SLC5A10: variants seen among roughly 807,000 people sequenced by gnomAD.
SLC5A10 encodes sodium/mannose cotransporter SLC5A10.
In SLC5A10, 55 loss-of-function variants were observed where a neutral mutation model predicts 68.9. The ratio of observed to expected loss-of-function variants is 0.80; its 90% CI spans 0.64 to 1.00. The LOEUF is 1.00. Among genes scored for constraint, SLC5A10 ranks in the 50% least tolerant of loss-of-function variants. SLC5A10 has a pLI of 0.00. For missense variants in SLC5A10, 732 were observed against 819.3 expected (o/e 0.89, Z 1.30); for synonymous variants, 344 against 344.8 (o/e 1.00, Z 0.02).
At position 19,015,204 on chromosome 17, in the gene SLC5A10, G is replaced by T. The variant is rs751031256; in HGVS notation, c.1241+5G>T. 2.7e-6 allele frequency: 4 copies of T among 1,491,830 alleles called. No homozygotes were observed. The African/African-American group carries it at 5.4e-5, about 20-fold the overall frequency. 92.4% of individuals were successfully genotyped at this position (1,491,830 alleles called of 1,614,324 possible). ...GGAGCTCCTGCTGGTGGGACGGTACGGGGGTGGGGGCCAGTACGGGGGTGG... is the reference window on the plus strand; with the variant it reads ...GGAGCTCCTGCTGGTGGGACGGTACTGGGGTGGGGGCCAGTACGGGGGTGG... On this transcript the variant is annotated splice_donor_5th_base_variant and intron_variant, in intron 11 of 14. Coordinates refer to ENST00000395645, the MANE Select transcript of SLC5A10 (RefSeq NM_001042450.4).
intron 9 of SLC5A10, chr17:18,979,376 T>A: frequency 1.3e-6 from 1 of 798,336 alleles, no homozygotes; most frequent in African/African-American, 1.7e-5. Context: ...GACAAAGCCC[T>A]TCTCTGCCTG....
intron 10 of SLC5A10, among the ~76,000 whole-genome samples, 164 bp downstream of exon 10, chr17:19,013,681 G>A (rs2044070443): frequency 6.7e-6 from 1 of 149,046 alleles, no homozygotes; most frequent in South Asian, 2.1e-4. Flanking sequence ...TGGAGATAAT[G>A]GCATCTACCC....
In SLC5A10 at chr17:19,013,485, A is replaced by G. The variant is rs1597910680; in HGVS notation, c.1058A>G (p.Tyr353Cys). Residue 353 changes from tyrosine to cysteine, a missense_variant, in exon 10 of 15, where the codon TAC becomes TGC. Physicochemically the swap from Tyr to Cys is radical, Grantham distance 194 (BLOSUM62 -2). Transcript: ENST00000395645. ...GAEVGCSNIA[Y>C]PKLVMELMPI... ...GAGGTCGGCTGCTCCAACATCGCCT[A>G]CCCCAAGCTGGTCATGGAACTGATG... The G allele has an allele frequency of 6.4e-7, 1 of 1,555,380 alleles. No homozygotes were observed. Among genetic ancestry groups the G allele is most frequent in the African/African-American group, 1.7e-5 (1 of 60,336 alleles).
chr17:19,000,956 C>T lies in SLC5A10; in HGVS notation c.983-12454C>T, dbSNP rs564906874. Among the ~76,000 whole-genome samples, 1 of 152,280 alleles carries T rather than the reference C, an allele frequency of 6.6e-6. No individual in the cohort carries two copies. The highest frequency in any genetic ancestry group is 1.9e-4 in the East Asian group (1 of 5,176). On this transcript the variant is annotated intron_variant, in intron 9 of 14. Transcript: ENST00000395645. The surrounding 1 kb of genome is among the most constrained non-coding windows in gnomAD (Gnocchi z 5.2). ...GCAGTGGCCTGGATGAGCTGCCCCT[C>T]CCAGCCCCTGCCTGTCACTCTGTCC...
rs551838420 is a variant in SLC5A10 at position 18,983,191 on chromosome 17, A to C, written c.982+6202A>C. Among the ~76,000 whole-genome samples the C allele has an allele frequency of 9.8e-5, 15 of 152,338 alleles. No homozygotes were observed. In the South Asian group the frequency reaches 2.9e-3, roughly 29 times the overall value. ...GTAGCCCTGGGCTGGGCCGGGACTG[A>C]GGACAGGGCTCTTTCATCACCCACC... is the stretch of plus-strand genomic sequence containing the variant. On this transcript the variant is annotated intron_variant, in intron 9 of 14. Transcript: ENST00000395645.
At chr17:18,956,116 C>G (rs563576331) in intron 1 of SLC5A10, among the ~76,000 whole-genome samples, 14 of 152,160 alleles carry the variant, frequency 9.2e-5, no homozygotes, top group African/African-American at 3.4e-4. Flanking sequence ...ATCGCTTGAA[C>G]CCGGGAGGCA....
chr17:18,964,807 C>G (rs575761427), intron 5 of SLC5A10, among the ~76,000 whole-genome samples: 6 of 152,286 alleles, frequency 3.9e-5, no homozygotes, highest in Non-Finnish European at 8.8e-5. Flanking sequence ...CTGGGCAGGG[C>G]CTCTGCCGGG....
chr17:18,979,087 A>C, intron 9 of SLC5A10: 1 of 580,702 alleles, frequency 1.7e-6, no homozygotes, highest in Non-Finnish European at 3.1e-6. Context: ...TGCTCCTCTC[A>C]GGCTGGTACA....
chr17:19,010,034 G>C (rs2043981443), intron 9 of SLC5A10, among the ~76,000 whole-genome samples: 1 of 152,056 alleles, frequency 6.6e-6, no homozygotes, highest in Admixed American at 6.5e-5. Context: ...TAGTCAAGGA[G>C]AGGGTGGCCG....
At chr17:18,978,733 G>A in intron 9 of SLC5A10, 1 of 1,612,998 alleles carries the variant, frequency 6.2e-7, no homozygotes, top group Non-Finnish European at 8.5e-7. Flanking sequence ...TGCCCTTGAG[G>A]CTCACACTGT....
In SLC5A10 at chr17:18,996,136, G is replaced by GAAAAAA. The variant is rs529997491; in HGVS notation, c.983-17266_983-17261dup. On this transcript the variant is annotated intron_variant, in intron 9 of 14. Transcript: ENST00000395645. This position sits in a 1 kb window ranked among gnomAD's most constrained non-coding sequence, Gnocchi z 4.4. ...GGCAATATCTTTAAAGTACTAAATGGAAAAAAAAAAAAATCAACTTAGAAT... is the reference window on the plus strand; with the variant it reads ...GGCAATATCTTTAAAGTACTAAATGGAAAAAAAAAAAAAAAAAAATCAACTTAGAAT... Among the ~76,000 whole-genome samples, 1 of 137,624 alleles carries GAAAAAA rather than the reference G, an allele frequency of 7.3e-6. No homozygotes were observed. Among genetic ancestry groups the GAAAAAA allele is most frequent in the Non-Finnish European group, 1.6e-5 (1 of 62,592 alleles). 90.3% of individuals were successfully genotyped at this position (137,624 alleles called of 152,430 possible). A position where few individuals can be genotyped will look rare whatever the true frequency, so the allele number is the denominator to read the frequency against.
chr17:18,977,971 G>A (rs905241832), intron 9 of SLC5A10: 8 of 1,588,394 alleles, frequency 5.0e-6, no homozygotes, highest in East Asian at 4.5e-5. Context: ...CGAGGCTCTC[G>A]GGGTCATCCT....
At chr17:19,006,679 C>T (rs2043899929) in intron 9 of SLC5A10, among the ~76,000 whole-genome samples, 1 of 152,220 alleles carries the variant, frequency 6.6e-6, no homozygotes, top group South Asian at 2.1e-4. Flanking sequence ...GCCATCCCCA[C>T]ACCTCCCCCG....
intron 8 of SLC5A10, among the ~76,000 whole-genome samples, chr17:18,972,525 C>A (rs2042880291): frequency 6.6e-6 from 1 of 152,200 alleles, no homozygotes; most frequent in Non-Finnish European, 1.5e-5. Context: ...GCAGCACGGG[C>A]TCCATCAGTA....
At chr17:18,967,375 G>A (rs541384563) in intron 5 of SLC5A10, among the ~76,000 whole-genome samples, 31 of 152,316 alleles carry the variant, frequency 2.0e-4, no homozygotes, top group African/African-American at 7.2e-4. Flanking sequence ...AGGAGGGAGG[G>A]CGAATGAACA....
chr17:18,978,872 C>G (rs751477984), intron 9 of SLC5A10: 1 of 1,608,752 alleles, frequency 6.2e-7, no homozygotes, highest in Non-Finnish European at 8.5e-7. Context: ...GGAGGGGGCG[C>G]TGGTCAGGCA....
chr17:18,956,454 T>C (rs1567775266), intron 1 of SLC5A10, among the ~76,000 whole-genome samples: 2 of 150,104 alleles, frequency 1.3e-5, no homozygotes, highest in Non-Finnish European at 3.0e-5. Context: ...TGTTTTTTCT[T>C]TTTTCTTTCT....
intron 9 of SLC5A10, among the ~76,000 whole-genome samples, chr17:19,005,042 C>A (rs2043845022): frequency 1.3e-5 from 2 of 152,202 alleles, no homozygotes; most frequent in Non-Finnish European, 2.9e-5. Context: ...CCCCTGTGCC[C>A]CCAGGGTCTG....
Position 19,003,268 on chromosome 17 carries a change from C to T in SLC5A10, c.983-10142C>T, listed in dbSNP as rs77308581. ...CTGGGGAACCAGAAACACCCTCCAACAATAAAGAGGCCCTTTGAGACGGGG... is the reference window on the plus strand; with the variant it reads ...CTGGGGAACCAGAAACACCCTCCAATAATAAAGAGGCCCTTTGAGACGGGG... On this transcript the variant is annotated intron_variant, in intron 9 of 14. Coordinates refer to ENST00000395645, the MANE Select transcript of SLC5A10 (RefSeq NM_001042450.4). The surrounding 1 kb of genome is among the most constrained non-coding windows in gnomAD (Gnocchi z 4.5). Among the ~76,000 whole-genome samples the T allele has an allele frequency of 2.1e-4, 32 of 151,808 alleles. No individual in the cohort carries two copies. Among genetic ancestry groups the T allele is most frequent in the African/African-American group, 7.7e-4 (32 of 41,388 alleles).
Sources: gnomAD v4.1 joint callset for allele counts (sites outside exome capture counted in the v4.1 genomes callset) on GRCh38, gnomAD v4.1.1 for gene constraint, Gnocchi (gnomAD v3.1) non-coding constraint, MANE v1.5 for transcripts, NCBI Gene and HGNC (gene_info 2026-07-23, HGNC 2026-07-21) for gene names.